ARL2BP: variants seen among roughly 807,000 people sequenced by gnomAD.
The protein encoded by ARL2BP is ADP-ribosylation factor-like protein 2-binding protein.
In ARL2BP, 19 loss-of-function variants were observed where a neutral mutation model predicts 24.2. The ratio of observed to expected loss-of-function variants is 0.79; its 90% CI spans 0.55 to 1.15. The LOEUF is 1.15. Among genes scored for constraint, ARL2BP ranks in the 50% most tolerant of loss-of-function variants. The pLI, the probability that ARL2BP is intolerant of heterozygous loss-of-function variation, is 0.00. For synonymous variants in ARL2BP, 56 were observed against 70.5 expected (o/e 0.79, Z 1.03); for missense variants, 160 against 190.4 (o/e 0.84, Z 0.94).
intron 3 of ARL2BP, 104 bp from the exon 4 acceptor site, chr16:57,249,663 A>ACACAGACC: frequency 1.1e-6 from 1 of 876,936 alleles, no homozygotes; most frequent in Non-Finnish European, 1.9e-6. Context: ...AGATTGTGGC[A>ACACAGACC]CACAGACCTC....
At chr16:57,246,290 T>G in intron 2 of ARL2BP, 149 bp downstream of exon 2, 1 of 741,014 alleles carries the variant, frequency 1.3e-6, no homozygotes, top group South Asian at 1.7e-5. Flanking sequence ...AAAGGCTTAC[T>G]GCAGTTTGTC....
intron 1 of ARL2BP, 52 bp from the exon 2 acceptor site, chr16:57,246,028 A>C: frequency 6.3e-7 from 1 of 1,585,428 alleles, no homozygotes; most frequent in Non-Finnish European, 8.6e-7. Context: ...TACTAAAAAC[A>C]TTTTTTTAAT....
Position 57,252,159 on chromosome 16 carries a change from C to T in ARL2BP, c.391-7C>T. The T allele has an allele frequency of 6.2e-7, 1 of 1,613,198 alleles. No homozygotes were observed. Among genetic ancestry groups the T allele is most frequent in the Non-Finnish European group, 8.5e-7 (1 of 1,179,664 alleles). On this transcript the variant is annotated splice_region_variant and splice_polypyrimidine_tract_variant and intron_variant, in intron 5 of 5. Coordinates refer to ENST00000219204, the MANE Select transcript of ARL2BP (RefSeq NM_012106.4). ...CTAGTCCTTCCTTTGGTTGTTTTCT[C>T]ATATAGGAAAAAGAAGGCCGAGGAC...
chr16:57,250,776 TA>T, intron 5 of ARL2BP: 1 of 432,966 alleles, frequency 2.3e-6, no homozygotes, highest in East Asian at 4.2e-5. Context: ...GCCTTTCTTT[TA>T]TTTATTTTTT....
intron 3 of ARL2BP, 108 bp from the exon 4 acceptor site, chr16:57,249,659 T>A (rs1342321462): frequency 2.4e-6 from 2 of 824,748 alleles, no homozygotes; most frequent in Non-Finnish European, 4.1e-6. Context: ...GTGTAGATTG[T>A]GGCACACAGA....
rs1277420051 is a variant in ARL2BP at position 57,250,751 on chromosome 16, G to A, written c.390+244G>A. On this transcript the variant is annotated intron_variant, in intron 5 of 5. Coordinates refer to ENST00000219204, the MANE Select transcript of ARL2BP (RefSeq NM_012106.4). The stretch of plus-strand genomic sequence containing the variant: ...ACAAAACCGAAAAAGCAGGTCTCAG[G>A]TCTCATTCTGCCTTGCCTTTCTTTT... The A allele has an allele frequency of 7.8e-6, 4 of 515,918 alleles. No individual in the cohort carries two copies. The Admixed American group carries it at 1.4e-4, about 18-fold the overall frequency. The allele number at this position is 515,918 out of a possible 1,614,324, so 32.0% of individuals were successfully genotyped here. A position where few individuals can be genotyped will look rare whatever the true frequency, so the allele number is the denominator to read the frequency against.
rs2075411881 is a variant in ARL2BP, at chr16:57,252,581, T to TA, written c.*315dup. On this transcript the variant is annotated 3_prime_UTR_variant, in exon 6 of 6. Transcript: ENST00000219204. ...CCACCTGGGGGGCCCTTCCCCAGCATACCTGCTGGTGTGTAAGTGTGGACT... is the reference window on the plus strand; with the variant it reads ...CCACCTGGGGGGCCCTTCCCCAGCATAACCTGCTGGTGTGTAAGTGTGGACT... The TA allele has an allele frequency of 3.4e-5, 13 of 388,058 alleles. No individual in the cohort carries two copies. The highest frequency in any genetic ancestry group is 3.1e-4 in the South Asian group (13 of 41,600). The allele number at this position is 388,058 out of a possible 1,614,324, so 24.0% of individuals were successfully genotyped here. A position where few individuals can be genotyped will look rare whatever the true frequency, so the allele number is the denominator to read the frequency against.
chr16:57,250,118 GC>G, intron 4 of ARL2BP: 1 of 592,090 alleles, frequency 1.7e-6, no homozygotes, highest in East Asian at 2.8e-5. Context: ...ACATAGTGAG[GC>G]CCCGACCCTA....
rs1380486062 is a variant in ARL2BP, at chr16:57,245,903, G to C, written c.39-177G>C. On this transcript the variant is annotated intron_variant, in intron 1 of 5. Transcript: ENST00000219204. ...TTCATGTCACAAACGTGCCGAGTGT[G>C]TTTTCTTCTGTTTGGACTTACTAGA... 7.7e-6 allele frequency: 5 copies of C among 646,622 alleles called. No individual in the cohort carries two copies. The Admixed American group carries it at 8.2e-5, about 11-fold the overall frequency. 40.1% of individuals were successfully genotyped at this position (646,622 alleles called of 1,614,324 possible).
intron 4 of ARL2BP, 96 bp from the exon 5 acceptor site, chr16:57,250,315 G>A (rs564781736): frequency 1.1e-4 from 119 of 1,069,382 alleles, no homozygotes; most frequent in South Asian, 5.0e-4. Context: ...AAAATAATGC[G>A]GGGGGTGGGG....
rs374945556 is a variant in ARL2BP at position 57,250,403 on chromosome 16, G to A, written c.294-8G>A. ...CATTCACGAAACAGCCATCTGTTCC[G>A]TTTGCAGGCACCATAAGGATGAAGT... On this transcript the variant is annotated splice_region_variant and splice_polypyrimidine_tract_variant and intron_variant, in intron 4 of 5. Transcript: ENST00000219204. 1.4e-4 allele frequency: 222 copies of A among 1,613,178 alleles called. No homozygotes were observed. Among genetic ancestry groups the A allele is most frequent in the Non-Finnish European group, 1.8e-4 (208 of 1,179,258 alleles).
chr16:57,246,512 A>G (rs1036994662), intron 2 of ARL2BP: 2 of 175,928 alleles, frequency 1.1e-5, no homozygotes, highest in Non-Finnish European at 2.4e-5. Flanking sequence ...CATAAAACAC[A>G]TAAAACCAGG....
At chr16:57,245,746 C>G in intron 1 of ARL2BP, 2 of 504,704 alleles carry the variant, frequency 4.0e-6, no homozygotes, top group Non-Finnish European at 3.5e-6. Context: ...CTCCCGGACT[C>G]CTGACCAAAT....
intron 1 of ARL2BP, 38 bp downstream of exon 1, chr16:57,245,443 G>T (rs373633040): frequency 6.3e-7 from 1 of 1,597,228 alleles, no homozygotes. Context: ...ACTTGGGGCC[G>T]GAGGCAGCGG....
intron 1 of ARL2BP, 143 bp downstream of exon 1, chr16:57,245,548 CA>C: frequency 4.7e-6 from 5 of 1,066,708 alleles, no homozygotes; most frequent in Middle Eastern, 5.6e-4. Context: ...GGCGCCGTCC[CA>C]GCTCCAGGCC....
chr16:57,251,712 C>G (rs759407634), intron 5 of ARL2BP: 1 of 157,624 alleles, frequency 6.3e-6, no homozygotes, highest in Non-Finnish European at 1.4e-5. Flanking sequence ...ACAATTCCAG[C>G]GCTTTGGGAG....
chr16:57,248,001 T>C (rs915491290), intron 2 of ARL2BP, among the ~76,000 whole-genome samples: 1 of 151,866 alleles, frequency 6.6e-6, no homozygotes, highest in Non-Finnish European at 1.5e-5. Context: ...AAAAAAATTG[T>C]ATATCTCACC....
rs199830550 is a variant in ARL2BP, at chr16:57,248,644, G to A, written c.207+1G>A. The A allele has an allele frequency of 8.1e-5, 124 of 1,522,354 alleles. No homozygotes were observed. The highest frequency in any genetic ancestry group is 8.5e-5 in the Non-Finnish European group (95 of 1,120,490). The allele number at this position is 1,522,354 out of a possible 1,614,324, so 94.3% of individuals were successfully genotyped here. A position where few individuals can be genotyped will look rare whatever the true frequency, so the allele number is the denominator to read the frequency against. Reference sequence around the variant, plus strand: ...CTACACACCTATTTTTAATGAATACGTAAGTAGATTTCTATGTCTCCTACC... The same window carrying A: ...CTACACACCTATTTTTAATGAATACATAAGTAGATTTCTATGTCTCCTACC... On this transcript the variant is annotated splice_donor_variant, in intron 3 of 5. Transcript: ENST00000219204. LOFTEE classifies it high-confidence loss of function.
chr16:57,246,450 G>A (rs2075390699), intron 2 of ARL2BP: 1 of 255,280 alleles, frequency 3.9e-6, no homozygotes, highest in Non-Finnish European at 7.4e-6. Context: ...TTCTTATGTA[G>A]GGTAAGAGCA....
Sources: allele counts gnomAD v4.1 joint callset (sites outside exome capture counted in the v4.1 genomes callset), GRCh38; gene constraint gnomAD v4.1.1; transcripts MANE v1.5; gene names NCBI Gene and HGNC (gene_info 2026-07-23, HGNC 2026-07-21).